Variants in L3MBTL4 observed in about 807,000 individuals in gnomAD.
L3MBTL4 encodes L3MBTL histone methyl-lysine binding protein 4.
L3MBTL4 carries 70 observed loss-of-function variants against 84.5 expected under a neutral mutation model. The observed-to-expected ratio is 0.83, with a 90% CI of 0.68 to 1.01. The LOEUF (loss-of-function observed/expected upper bound fraction) is 1.01, where lower values mean the gene tolerates loss of function less well. Among genes scored for constraint, L3MBTL4 ranks in the 50% least tolerant of loss-of-function variants. L3MBTL4 has a pLI of 0.00. For missense variants in L3MBTL4, 715 were observed against 754.8 expected (o/e 0.95, Z 0.62); for synonymous variants, 274 against 259.8 (o/e 1.05, Z -0.52).
At chr18:6,384,778 G>C (rs563142480) in intron 1 of L3MBTL4, among the ~76,000 whole-genome samples, 3 of 152,254 alleles carry the variant, frequency 2.0e-5, no homozygotes, top group African/African-American at 7.2e-5. Flanking sequence ...GTCACGGATG[G>C]TCTCCTCTGG....
At chr18:6,231,556 A>C (rs1171354772) in intron 10 of L3MBTL4, among the ~76,000 whole-genome samples, 1 of 151,916 alleles carries the variant, frequency 6.6e-6, no homozygotes, top group Non-Finnish European at 1.5e-5. Context: ...ATGGCTTTCC[A>C]CTCATTTGTG....
At chr18:6,038,979 A>G (rs1227022201) in intron 16 of L3MBTL4, among the ~76,000 whole-genome samples, 1 of 152,056 alleles carries the variant, frequency 6.6e-6, no homozygotes, top group Non-Finnish European at 1.5e-5. Flanking sequence ...AAGACACCAG[A>G]GAGCACCTAC....
At chr18:6,350,707 G>A (rs2053143142) in intron 1 of L3MBTL4, among the ~76,000 whole-genome samples, 1 of 152,134 alleles carries the variant, frequency 6.6e-6, no homozygotes, top group South Asian at 2.1e-4. Flanking sequence ...ATATGACATA[G>A]CAATTTCACT....
chr18:6,153,038 A>G (rs1467472322), intron 13 of L3MBTL4, among the ~76,000 whole-genome samples: 1 of 152,050 alleles, frequency 6.6e-6, no homozygotes, highest in East Asian at 1.9e-4. Flanking sequence ...AGATTACTTG[A>G]CCATATACAT....
At chr18:6,104,252 A>G (rs1273298940) in intron 14 of L3MBTL4, among the ~76,000 whole-genome samples, 1 of 152,114 alleles carries the variant, frequency 6.6e-6, no homozygotes, top group African/African-American at 2.4e-5. Context: ...TGAAATGAGC[A>G]CGTCAAAGAG....
At chr18:6,253,299 C>T (rs1488194306) in intron 5 of L3MBTL4, among the ~76,000 whole-genome samples, 1 of 152,262 alleles carries the variant, frequency 6.6e-6, no homozygotes, top group Non-Finnish European at 1.5e-5. Flanking sequence ...TCACAAATTG[C>T]TCTGTTTGCA....
intron 1 of L3MBTL4, among the ~76,000 whole-genome samples, chr18:6,346,667 G>A (rs1419095267): frequency 6.6e-6 from 1 of 151,932 alleles, no homozygotes; most frequent in Non-Finnish European, 1.5e-5. Context: ...CTGTCAGGAT[G>A]GCTACTACAT....
At chr18:6,130,798 C>A (rs921490895) in intron 14 of L3MBTL4, among the ~76,000 whole-genome samples, 2 of 152,160 alleles carry the variant, frequency 1.3e-5, no homozygotes, top group African/African-American at 4.8e-5. Context: ...AATACACCTA[C>A]TTCACTTTAT....
chr18:6,367,665 C>T (rs550293769), intron 1 of L3MBTL4: 154 of 152,518 alleles, frequency 1.0e-3, no homozygotes, highest in African/African-American at 3.6e-3. Flanking sequence ...AGAAGCCACC[C>T]GACCTAAAGT....
At chr18:6,089,526 T>G (rs1433811900) in intron 15 of L3MBTL4, among the ~76,000 whole-genome samples, 1 of 152,192 alleles carries the variant, frequency 6.6e-6, no homozygotes, top group Non-Finnish European at 1.5e-5. Flanking sequence ...CTAGCTGGGC[T>G]TTTTCAAAGC....
intron 14 of L3MBTL4, among the ~76,000 whole-genome samples, chr18:6,121,702 G>A (rs1250818941): frequency 4.4e-5 from 6 of 137,412 alleles, no homozygotes; most frequent in Non-Finnish European, 6.2e-5. Flanking sequence ...GTGTGTGTGT[G>A]TGTGTGTGTG....
chr18:6,326,870 T>C (rs2051749946), intron 1 of L3MBTL4: 1 of 152,198 alleles, frequency 6.6e-6, no homozygotes, highest in African/African-American at 2.4e-5. Flanking sequence ...GACAGTACAT[T>C]AAGCATTGTA....
intron 1 of L3MBTL4, among the ~76,000 whole-genome samples, chr18:6,366,134 A>G (rs2053924440): frequency 6.6e-6 from 1 of 152,254 alleles, no homozygotes; most frequent in African/African-American, 2.4e-5. Context: ...CTAAGTGCAT[A>G]AACTTAAAAA....
chr18:6,101,534 C>T (rs564229953), intron 14 of L3MBTL4, among the ~76,000 whole-genome samples: 4 of 152,290 alleles, frequency 2.6e-5, no homozygotes, highest in South Asian at 2.1e-4. Flanking sequence ...AAAGCACCCA[C>T]GAAGGACTGT....
chr18:6,246,330 C>A (rs117228133), intron 5 of L3MBTL4, among the ~76,000 whole-genome samples: 4 of 152,056 alleles, frequency 2.6e-5, no homozygotes, highest in African/African-American at 7.2e-5. Flanking sequence ...TTTCTAGATA[C>A]CTTTGAATGT....
intron 1 of L3MBTL4, among the ~76,000 whole-genome samples, chr18:6,325,748 G>A (rs1330507027): frequency 1.3e-5 from 2 of 152,088 alleles, no homozygotes; most frequent in Non-Finnish European, 2.9e-5. Context: ...CTTACATATT[G>A]AAATATGTAT....
chr18:6,176,238 C>T (rs945068791), intron 12 of L3MBTL4, among the ~76,000 whole-genome samples: 1 of 152,048 alleles, frequency 6.6e-6, no homozygotes, highest in Non-Finnish European at 1.5e-5. Context: ...AATGACCTAG[C>T]TTACCCAAAA....
At chr18:5,962,840 A>T (rs944293356) in intron 17 of L3MBTL4, among the ~76,000 whole-genome samples, 1 of 152,118 alleles carries the variant, frequency 6.6e-6, no homozygotes, top group Admixed American at 6.5e-5. Flanking sequence ...CTCAATACTG[A>T]CACCTCGGGC....
chr18:6,249,441 T>C (rs1419536247), intron 5 of L3MBTL4, among the ~76,000 whole-genome samples: 1 of 152,226 alleles, frequency 6.6e-6, no homozygotes, highest in Non-Finnish European at 1.5e-5. Flanking sequence ...AGCCAGAAGT[T>C]AAGATGATCA....
Sources: allele counts gnomAD v4.1 joint callset (sites outside exome capture counted in the v4.1 genomes callset), GRCh38; gene constraint gnomAD v4.1.1; transcripts MANE v1.5; gene names NCBI Gene and HGNC (gene_info 2026-07-23, HGNC 2026-07-21).